Variants in REV1 observed in about 807,000 individuals in gnomAD.
REV1 encodes the protein REV1 DNA directed polymerase.
A neutral mutation model predicts 137.4 loss-of-function variants in REV1; 42 were observed. The ratio of observed to expected loss-of-function variants is 0.31; its 90% CI spans 0.24 to 0.40. The LOEUF is 0.40. Ranked by LOEUF, REV1 falls within the 10% of genes least tolerant of loss-of-function variation. REV1 has a pLI of 1.00. For synonymous variants in REV1, 524 were observed against 519.2 expected (o/e 1.01, Z -0.12); for missense variants, 1,282 against 1,490.1 (o/e 0.86, Z 2.30).
intron 2 of REV1, among the ~76,000 whole-genome samples, chr2:99,463,967 G>A (rs1684525718): frequency 1.3e-5 from 2 of 152,100 alleles, no homozygotes; most frequent in South Asian, 4.1e-4. Flanking sequence ...CCCACATACA[G>A]AGGGCTTAAA....
chr2:99,416,637 T>C (rs1029299934), intron 12 of REV1, among the ~76,000 whole-genome samples: 3 of 152,096 alleles, frequency 2.0e-5, no homozygotes, highest in Non-Finnish European at 4.4e-5. Flanking sequence ...CTTCAAGAAA[T>C]AAAGTCTCAC....
intron 3 of REV1, among the ~76,000 whole-genome samples, chr2:99,450,793 T>C (rs1014432084): frequency 6.6e-6 from 1 of 152,244 alleles, no homozygotes; most frequent in Non-Finnish European, 1.5e-5. Context: ...CTTTCTTTTT[T>C]CTTCTTAAAT....
intron 9 of REV1, chr2:99,425,040 C>A: frequency 1.7e-5 from 10 of 574,764 alleles, no homozygotes; most frequent in South Asian, 1.1e-4. Flanking sequence ...TGTAAAGAAT[C>A]AAGAAAAAAA....
At chr2:99,467,435 A>T (rs1684930935) in intron 1 of REV1, among the ~76,000 whole-genome samples, 1 of 152,198 alleles carries the variant, frequency 6.6e-6, no homozygotes, top group Non-Finnish European at 1.5e-5. Context: ...TTGATCCAGA[A>T]ATCAAACAAT....
intron 22 of REV1, 123 bp downstream of exon 22, chr2:99,402,121 G>A: frequency 1.8e-6 from 1 of 566,586 alleles, no homozygotes; most frequent in Non-Finnish European, 3.2e-6. Context: ...CAAAATAAAG[G>A]ATATCACTTT....
intron 17 of REV1, among the ~76,000 whole-genome samples, 169 bp from the exon 18 acceptor site, chr2:99,404,846 G>A (rs1007533537): frequency 6.6e-6 from 1 of 152,180 alleles, no homozygotes; most frequent in Non-Finnish European, 1.5e-5. Flanking sequence ...TTTTTGGAAC[G>A]TCTTGGCCTT....
chr2:99,476,882 C>T (rs898812231), intron 1 of REV1, among the ~76,000 whole-genome samples: 3 of 152,208 alleles, frequency 2.0e-5, no homozygotes, highest in Non-Finnish European at 2.9e-5. Flanking sequence ...CTGGAAGTTT[C>T]GTAAGTGGAC....
At chr2:99,439,368 T>C in intron 5 of REV1, 58 bp from the exon 6 acceptor site, 2 of 1,235,224 alleles carry the variant, frequency 1.6e-6, no homozygotes, top group East Asian at 4.8e-5. Context: ...TAAAACAATT[T>C]TTTCATTTCA....
At chr2:99,486,230 T>C (rs1687112479) in intron 1 of REV1, among the ~76,000 whole-genome samples, 1 of 152,188 alleles carries the variant, frequency 6.6e-6, no homozygotes, top group Non-Finnish European at 1.5e-5. Context: ...CTAGAAGGTT[T>C]AAAATTTCCC....
In REV1 at chr2:99,489,066, T is replaced by C. The variant is rs150712546; in HGVS notation, c.-11+751A>G. ...AGATTATTTCTTTACAAACTGAGAA[T>C]AGGTAGGAAGAGCAGCGAAACACAG... On this transcript the variant is annotated intron_variant, in intron 1 of 22. Transcript: ENST00000258428. Among the ~76,000 whole-genome samples the C allele has an allele frequency of 3.3e-4, 50 of 152,214 alleles. 1 individual carries two copies. The East Asian group carries it at 8.7e-3, about 27-fold the overall frequency.
Position 99,412,849 on chromosome 2 carries a change from G to A in REV1, c.2054C>T (p.Pro685Leu). The A allele has an allele frequency of 6.2e-7, 1 of 1,614,030 alleles. No individual in the cohort carries two copies. Among genetic ancestry groups the A allele is most frequent in the Non-Finnish European group, 8.5e-7 (1 of 1,179,958 alleles). The change falls in exon 13 of 23, where the codon CCC becomes CTC. Residue 685 changes from proline (P) to leucine (L), a missense_variant. Pro to Leu is a moderately conservative substitution (Grantham distance 98). This residue lies in a region of REV1 where 372 missense variants were observed against 482.3 expected (regional missense o/e 0.77). Transcript: ENST00000258428. ...CCTATAAAGCATCTGACCTGTTTTG[G>A]GACCAAATTCTTTTTGGAGTTTTGC... ...TMAKLQKEFGPKTGQMLYRFC... is the reference protein window; with the variant it reads ...TMAKLQKEFGLKTGQMLYRFC...
At chr2:99,469,708 T>C (rs902460940) in intron 1 of REV1, among the ~76,000 whole-genome samples, 1 of 152,210 alleles carries the variant, frequency 6.6e-6, no homozygotes, top group Non-Finnish European at 1.5e-5. Context: ...TATGCATGCA[T>C]TTTTCCTAAT....
rs913942328 is a variant in REV1 at position 99,405,927 on chromosome 2, C to T, written c.2794G>A (p.Val932Ile). Residue 932 changes from valine (V) to isoleucine (I), a missense_variant, in exon 17 of 23, where the codon GTC becomes ATC. Val to Ile is a conservative substitution (Grantham distance 29, BLOSUM62 3). Around this residue, in one of 7 missense-constraint regions of REV1, gnomAD observed 135 missense variants for 123.3 expected, o/e 1.10. Coordinates refer to ENST00000258428, the MANE Select transcript of REV1 (RefSeq NM_016316.4). ...AAATGTACCTGGGAAGGTGACGGGACCTCTATACTCAGGTTAAGTCTCGAC... is the reference window on the plus strand; with the variant it reads ...AAATGTACCTGGGAAGGTGACGGGATCTCTATACTCAGGTTAAGTCTCGAC... ...VQSRLNLSIE[V>I]PSPSQLDQSV... The T allele has an allele frequency of 1.9e-6, 3 of 1,577,288 alleles. No individual in the cohort carries two copies. The African/African-American group carries it at 4.1e-5, about 21-fold the overall frequency.
At position 99,438,996 on chromosome 2, in the gene REV1, T is replaced by C; in HGVS notation, c.818A>G (p.Asp273Gly). The C allele has an allele frequency of 1.2e-6, 2 of 1,614,182 alleles. No individual in the cohort carries two copies. Among genetic ancestry groups the C allele is most frequent in the Non-Finnish European group, 1.7e-6 (2 of 1,180,032 alleles). ...TTGCTGCAACTGCTGCAGAGTGCAG[T>C]CTCTGAAATCAGTGCTGCTCTTCTC... ...KAEKSSTDFR[D>G]CTLQQLQQST... Residue 273 changes from aspartate to glycine, a missense_variant, in exon 6 of 23, where the codon GAC (aspartate) becomes GGC (glycine). Physicochemically the swap from Asp to Gly is moderately conservative, Grantham distance 94. This residue lies in a region of REV1 where 432 missense variants were observed against 438.0 expected (regional missense o/e 0.99). Transcript: ENST00000258428.
intron 1 of REV1, among the ~76,000 whole-genome samples, chr2:99,468,611 C>T (rs1685074794): frequency 6.6e-6 from 1 of 152,208 alleles, no homozygotes; most frequent in Admixed American, 6.5e-5. Flanking sequence ...TTCCACATAA[C>T]TTGATGACCT....
rs1675359386 is a variant in REV1, at chr2:99,401,271, T to G, written c.3726A>C (p.Gln1242His). ...TAACTTTTAATGTGCTTCCATAAGT[T>G]TGTTGTAAAACCACCTGGACATTGT... The part of the protein sequence containing the change: ...ILDNVQVVLQ[Q>H]TYGSTLKVT The change falls in exon 23 of 23, where the codon CAA becomes CAC. Residue 1242 changes from glutamine (Q) to histidine (H), a missense_variant. Physicochemically the swap from Gln to His is conservative, Grantham distance 24. Around this residue, in one of 7 missense-constraint regions of REV1, gnomAD observed 43 missense variants for 79.1 expected, o/e 0.54. Coordinates refer to ENST00000258428, the MANE Select transcript of REV1 (RefSeq NM_016316.4). 6.2e-7 allele frequency: 1 copy of G among 1,612,686 alleles called. No individual in the cohort carries two copies. The highest frequency in any genetic ancestry group is 1.3e-5 in the African/African-American group (1 of 74,882).
intron 6 of REV1, among the ~76,000 whole-genome samples, chr2:99,438,274 T>C (rs1195346190): frequency 1.3e-5 from 2 of 152,100 alleles, no homozygotes; most frequent in Non-Finnish European, 2.9e-5. Flanking sequence ...CTTACAGGAG[T>C]TTAAGCACTG....
In REV1 at chr2:99,462,566, A is replaced by T. The variant is rs1348270611; in HGVS notation, c.111T>A (p.Ala37=). The change falls in exon 3 of 23, where the codon GCT becomes GCA. Residue 37 remains alanine (A), a synonymous_variant. Transcript: ENST00000258428. ...ATGAAGTCCCATCCTTCTGCATAGC[A>T]GCATCTGATCGAAACTGTTCCTCCA... The part of the protein sequence containing the change: ...QKLEEQFRSD[A]AMQKDGTSST... 1 of 1,613,810 alleles carries T rather than the reference A, an allele frequency of 6.2e-7. No homozygotes were observed. The highest frequency in any genetic ancestry group is 1.1e-5 in the South Asian group (1 of 90,992).
chr2:99,447,184 G>A (rs1049273470), intron 4 of REV1, among the ~76,000 whole-genome samples: 1 of 150,482 alleles, frequency 6.6e-6, no homozygotes, highest in Admixed American at 6.6e-5. Context: ...TTTAGACAGA[G>A]TCTCACTTTG....
Sources: gnomAD v4.1 joint callset for allele counts (sites outside exome capture counted in the v4.1 genomes callset) on GRCh38, gnomAD v4.1.1 for gene constraint, gnomAD v4.1.1 regional missense constraint, MANE v1.5 for transcripts, NCBI Gene and HGNC (gene_info 2026-07-23, HGNC 2026-07-21) for gene names.